The following MDN1 variants were observed in gnomAD, a reference collection of about 807,000 sequenced individuals.
MDN1 encodes the protein midasin AAA ATPase 1, also known as midasin.
Under a neutral mutation model 669.2 loss-of-function variants are expected in MDN1, and 266 were observed. The observed-to-expected ratio is 0.40, with a 90% CI of 0.36 to 0.44. The LOEUF (loss-of-function observed/expected upper bound fraction) is 0.44, where lower values mean the gene tolerates loss of function less well. MDN1 is among the 20% of genes least tolerant of loss of function. The pLI is 1.00. For missense variants in MDN1, 5,940 were observed against 6,754.0 expected (o/e 0.88, Z 4.22); for synonymous variants, 2,385 against 2,457.1 (o/e 0.97, Z 0.87).
At chr6:89,685,190 T>G (rs555074737) in intron 70 of MDN1, among the ~76,000 whole-genome samples, 11 of 152,150 alleles carry the variant, frequency 7.2e-5, no homozygotes, top group Admixed American at 2.0e-4. Flanking sequence ...CTCCCCTATT[T>G]TTCACTTCTG....
Position 89,658,343 on chromosome 6 carries a change from T to A in MDN1, c.15049A>T (p.Thr5017Ser). ...AAAGCCTCTGGCACCTGCTCCTCTG[T>A]ATCAGAGTCCTCCCGTTCTTCTTCC... is the stretch of plus-strand genomic sequence containing the variant. The part of the protein sequence containing the change: ...QEEEEREDSD[T>S]EEQVPEALER... Residue 5017 changes from threonine (T) to serine (S), a missense_variant, in exon 90 of 102, where the codon ACA becomes TCA. Physicochemically the swap from Thr to Ser is moderately conservative, Grantham distance 58. Coordinates refer to ENST00000369393, the MANE Select transcript of MDN1 (RefSeq NM_014611.3). 6.2e-7 allele frequency: 1 copy of A among 1,614,202 alleles called. No individual in the cohort carries two copies. The highest frequency in any genetic ancestry group is 8.5e-7 in the Non-Finnish European group (1 of 1,180,034).
Position 89,674,234 on chromosome 6 carries a change from T to G in MDN1, c.13117A>C (p.Met4373Leu). The change falls in exon 79 of 102, where the codon ATG becomes CTG. Residue 4373 changes from methionine to leucine, a missense_variant. By Grantham distance (15) the Met-to-Leu change is conservative. Transcript: ENST00000369393. ...TGCCAAAGGTGATCCTGTTTCCGCA[T>G]CCGGCAACCAGAGGGCAGCTGACTT... ...PGSQLPSGCRMRKQDHLWQQS... is the reference protein window; with the variant it reads ...PGSQLPSGCRLRKQDHLWQQS... 1 of 1,614,242 alleles carries G rather than the reference T, an allele frequency of 6.2e-7. No individual in the cohort carries two copies. The highest frequency in any genetic ancestry group is 8.5e-7 in the Non-Finnish European group (1 of 1,180,050).
At position 89,696,004 on chromosome 6, in the gene MDN1, A is replaced by G; in HGVS notation, c.9384-12T>C. The G allele has an allele frequency of 6.3e-7, 1 of 1,597,966 alleles. No individual in the cohort carries two copies. ...GGGAATCCGTGCGTCTGTGGGGACA[A>G]AAAGAAAGCACTGAAAGGTTTGTAC... On this transcript the variant is annotated splice_polypyrimidine_tract_variant and intron_variant, in intron 60 of 101. Transcript: ENST00000369393.
At chr6:89,673,581 G>A (rs1283919083) in intron 79 of MDN1, 119 bp from the exon 80 acceptor site, 2 of 836,034 alleles carry the variant, frequency 2.4e-6, no homozygotes, top group African/African-American at 1.7e-5. Flanking sequence ...GAAGGTTTAC[G>A]GCTAAACACA....
chr6:89,664,996 T>C (rs1438910428), intron 84 of MDN1, among the ~76,000 whole-genome samples: 2 of 152,178 alleles, frequency 1.3e-5, no homozygotes, highest in Admixed American at 6.5e-5. Context: ...ATCTTGGTCA[T>C]TCTTCCTTGG....
chr6:89,662,149 C>T lies in MDN1; in HGVS notation c.14503G>A (p.Glu4835Lys). 1.2e-6 allele frequency: 2 copies of T among 1,614,032 alleles called. No homozygotes were observed. Among genetic ancestry groups the T allele is most frequent in the Non-Finnish European group, 1.7e-6 (2 of 1,179,996 alleles). ...CCACCATCATCAGCTTCTGCTTCTT[C>T]CTTTTCTTCCTTCTTATCTTGCTGG... Reference protein sequence around the residue: ...KSQQDKKEEKEEAEADDGGQG... With the variant: ...KSQQDKKEEKKEAEADDGGQG... The change falls in exon 87 of 102, where the codon GAA (glutamate) becomes AAA (lysine). Residue 4835 changes from glutamate (E) to lysine (K), a missense_variant. Transcript: ENST00000369393.
In MDN1 at chr6:89,776,610, G is replaced by A. The variant is rs749863224; in HGVS notation, c.1811C>T (p.Ser604Phe). The change falls in exon 12 of 102, where the codon TCT (serine) becomes TTT (phenylalanine). Residue 604 changes from serine (S) to phenylalanine (F), a missense_variant. Coordinates refer to ENST00000369393, the MANE Select transcript of MDN1 (RefSeq NM_014611.3). The stretch of plus-strand genomic sequence containing the variant: ...AAACAGCACACATACCTTTTTTCTA[G>A]AAATGTTCAATTTGCTTCCAATAAC... ...AEVIGSKLNI[S>F]RKKAEFFCQL... 15 of 1,607,324 alleles carry A rather than the reference G, an allele frequency of 9.3e-6. No individual in the cohort carries two copies. The highest frequency in any genetic ancestry group is 1.3e-5 in the African/African-American group (1 of 74,680).
At chr6:89,683,706 G>A in intron 72 of MDN1, 125 bp downstream of exon 72, 1 of 709,752 alleles carries the variant, frequency 1.4e-6, no homozygotes, top group Non-Finnish European at 2.4e-6. Context: ...CAATCAAGGT[G>A]TTATTTTTTG....
intron 78 of MDN1, among the ~76,000 whole-genome samples, chr6:89,675,040 G>A (rs1811088540): frequency 1.3e-5 from 2 of 152,124 alleles, no homozygotes; most frequent in Non-Finnish European, 2.9e-5. Context: ...TGCCATCTGG[G>A]GGATCCCCAA....
intron 16 of MDN1, among the ~76,000 whole-genome samples, 171 bp from the exon 17 acceptor site, chr6:89,761,919 C>T (rs531201023): frequency 1.3e-5 from 2 of 152,216 alleles, no homozygotes; most frequent in South Asian, 4.1e-4. Flanking sequence ...ACTAATTAGC[C>T]CACATGTATG....
chr6:89,757,622 T>C lies in MDN1; in HGVS notation c.2702+633A>G, dbSNP rs966226197. ...CGGTTACATTAATATTACCAATCTA[T>C]AAATAAAGAGAATCTAAAAACGAAG... On this transcript the variant is annotated intron_variant, in intron 19 of 101. Coordinates refer to ENST00000369393, the MANE Select transcript of MDN1 (RefSeq NM_014611.3). Among the ~76,000 whole-genome samples the C allele has an allele frequency of 9.2e-5, 14 of 152,106 alleles. 1 individual carries two copies.
rs748843779 is a variant in MDN1 at position 89,676,219 on chromosome 6, A to G, written c.12540-12T>C. 2.5e-6 allele frequency: 4 copies of G among 1,611,918 alleles called. No homozygotes were observed. The highest frequency in any genetic ancestry group is 3.4e-6 in the Non-Finnish European group (4 of 1,177,956). ...TTTCTGTAAGCAGCCTGGAAAAGAT[A>G]TCAACATTGTTTACTTAATTAAAAC... On this transcript the variant is annotated splice_polypyrimidine_tract_variant and intron_variant, in intron 76 of 101. Transcript: ENST00000369393.
chr6:89,670,552 T>C (rs1195420612), intron 83 of MDN1, among the ~76,000 whole-genome samples: 1 of 152,070 alleles, frequency 6.6e-6, no homozygotes, highest in Admixed American at 6.6e-5. Context: ...GAAAACTTAA[T>C]AGCCTTAAGG....
chr6:89,699,092 T>C lies in MDN1; in HGVS notation c.8998-57A>G, dbSNP rs889438012. On this transcript the variant is annotated intron_variant, in intron 58 of 101. Coordinates refer to ENST00000369393, the MANE Select transcript of MDN1 (RefSeq NM_014611.3). ...TACCTGAGAAAGACTCCATAAATTA[T>C]TAGGTCTTCTTTCTTCTAAGGCCCA... 4.2e-6 allele frequency: 6 copies of C among 1,432,946 alleles called. No individual in the cohort carries two copies. In the East Asian group the frequency reaches 7.0e-5, roughly 17 times the overall value. 88.8% of individuals were successfully genotyped at this position (1,432,946 alleles called of 1,614,324 possible). A position where few individuals can be genotyped will look rare whatever the true frequency, so the allele number is the denominator to read the frequency against.
intron 15 of MDN1, among the ~76,000 whole-genome samples, chr6:89,764,312 A>T (rs1817695309): frequency 6.6e-6 from 1 of 152,164 alleles, no homozygotes; most frequent in Admixed American, 6.5e-5. Flanking sequence ...AATCAAATGA[A>T]AGTGACAATA....
intron 56 of MDN1, 98 bp downstream of exon 56, chr6:89,700,548 C>G: frequency 8.2e-7 from 1 of 1,222,388 alleles, no homozygotes; most frequent in Non-Finnish European, 1.2e-6. Flanking sequence ...CCCCTCACAT[C>G]ACCCAGAAAA....
chr6:89,677,266 G>A (rs1811259578), intron 76 of MDN1, among the ~76,000 whole-genome samples: 1 of 151,984 alleles, frequency 6.6e-6, no homozygotes, highest in Admixed American at 6.6e-5. Flanking sequence ...CTAATATTCT[G>A]TATTTTTAGT....
chr6:89,790,533 TAAC>T, intron 5 of MDN1, 132 bp from the exon 6 acceptor site: 5 of 1,061,176 alleles, frequency 4.7e-6, no homozygotes, highest in Middle Eastern at 2.6e-4. Context: ...AAAACTATAA[TAAC>T]AACAGGTATG....
chr6:89,734,055 C>T (rs1215769980), intron 33 of MDN1, among the ~76,000 whole-genome samples: 3 of 151,572 alleles, frequency 2.0e-5, no homozygotes, highest in Admixed American at 1.3e-4. Context: ...GAGGCTGAGG[C>T]GGGCAGATCA....
Sources: gnomAD v4.1 joint callset for allele counts (sites outside exome capture counted in the v4.1 genomes callset) on GRCh38, gnomAD v4.1.1 for gene constraint, MANE v1.5 for transcripts, NCBI Gene and HGNC (gene_info 2026-07-23, HGNC 2026-07-21) for gene names.